Variants in CATSPERE observed in about 807,000 individuals in gnomAD.
CATSPERE encodes the protein cation channel sperm-associated auxiliary subunit epsilon.
Under a neutral mutation model 114.1 loss-of-function variants are expected in CATSPERE, and 93 were observed. The observed-to-expected ratio is 0.81, with a 90% CI of 0.69 to 0.97. The LOEUF (loss-of-function observed/expected upper bound fraction) is 0.97, where lower values mean the gene tolerates loss of function less well. Among genes scored for constraint, CATSPERE ranks in the 50% least tolerant of loss-of-function variants. The pLI, the probability that CATSPERE is intolerant of heterozygous loss-of-function variation, is 0.00. For synonymous variants in CATSPERE, 341 were observed against 384.1 expected (o/e 0.89, Z 1.31); for missense variants, 1,058 against 1,131.6 (o/e 0.93, Z 0.93).
At chr1:244,503,612 A>G (rs1205877157) in intron 7 of CATSPERE, among the ~76,000 whole-genome samples, 2 of 152,138 alleles carry the variant, frequency 1.3e-5, no homozygotes, top group African/African-American at 4.8e-5. Flanking sequence ...GTTTCTTTTG[A>G]GACGAGGTCT....
intron 9 of CATSPERE, among the ~76,000 whole-genome samples, chr1:244,557,432 G>A (rs1432615587): frequency 6.9e-6 from 1 of 145,888 alleles, no homozygotes; most frequent in Non-Finnish European, 1.5e-5. Flanking sequence ...AGTTTCCAGT[G>A]TACAGATTTT....
intron 10 of CATSPERE, among the ~76,000 whole-genome samples, chr1:244,570,673 A>C (rs964853037): frequency 1.3e-5 from 2 of 152,252 alleles, no homozygotes; most frequent in Non-Finnish European, 2.9e-5. Context: ...TGTAGTCAGC[A>C]GTGTGATCAG....
At chr1:244,625,738 TTTTA>T (rs905933947) in intron 20 of CATSPERE, among the ~76,000 whole-genome samples, 2 of 151,544 alleles carry the variant, frequency 1.3e-5, no homozygotes, top group African/African-American at 2.4e-5. Flanking sequence ...ATTTTTATTC[TTTTA>T]TTTATTTATT....
intron 21 of CATSPERE, among the ~76,000 whole-genome samples, chr1:244,635,744 A>G (rs980094308): frequency 6.6e-6 from 1 of 152,128 alleles, no homozygotes; most frequent in Non-Finnish European, 1.5e-5. Flanking sequence ...ACAACAAAAA[A>G]CTTGTATGAA....
At chr1:244,525,941 G>C (rs115337835) in intron 8 of CATSPERE, among the ~76,000 whole-genome samples, 1 of 152,178 alleles carries the variant, frequency 6.6e-6, no homozygotes, top group Non-Finnish European at 1.5e-5. Context: ...AAGGCCGTAG[G>C]CTTTTTCCAA....
At chr1:244,472,404 AT>A (rs1010811532) in intron 2 of CATSPERE, among the ~76,000 whole-genome samples, 6 of 151,426 alleles carry the variant, frequency 4.0e-5, no homozygotes, top group Non-Finnish European at 7.4e-5. Context: ...TTTTATATTG[AT>A]TTTTTTTTGA....
chr1:244,589,600 A>G (rs2148638292), intron 14 of CATSPERE, among the ~76,000 whole-genome samples: 1 of 152,278 alleles, frequency 6.6e-6, no homozygotes, highest in African/African-American at 2.4e-5. Context: ...CTCATCCCAC[A>G]CCTGCTGAAT....
intron 9 of CATSPERE, among the ~76,000 whole-genome samples, chr1:244,556,647 T>G (rs970074147): frequency 6.6e-6 from 1 of 152,242 alleles, no homozygotes; most frequent in African/African-American, 2.4e-5. Flanking sequence ...TGGTTTATTG[T>G]GTTTTCTTCT....
chr1:244,525,934 G>A (rs1678515922), intron 8 of CATSPERE, among the ~76,000 whole-genome samples: 1 of 152,136 alleles, frequency 6.6e-6, no homozygotes, highest in Non-Finnish European at 1.5e-5. Flanking sequence ...AGTGGTTAAG[G>A]CCGTAGGCTT....
intron 11 of CATSPERE, 148 bp downstream of exon 11, chr1:244,572,920 C>A: frequency 1.7e-6 from 1 of 603,774 alleles, no homozygotes; most frequent in Non-Finnish European, 2.6e-6. Flanking sequence ...ACACAATAAG[C>A]CATTCATTCC....
At chr1:244,536,122 A>C (rs1180586719) in intron 8 of CATSPERE, among the ~76,000 whole-genome samples, 1 of 151,668 alleles carries the variant, frequency 6.6e-6, no homozygotes, top group African/African-American at 2.4e-5. Flanking sequence ...GGCTGAGCTG[A>C]TATCCAAGTT....
intron 10 of CATSPERE, among the ~76,000 whole-genome samples, chr1:244,565,579 C>T (rs1663318205): frequency 6.6e-6 from 1 of 152,118 alleles, no homozygotes; most frequent in Non-Finnish European, 1.5e-5. Context: ...TCTGTGGGAT[C>T]AGTGGTGATA....
chr1:244,601,979 G>A (rs1669309514), intron 17 of CATSPERE, among the ~76,000 whole-genome samples: 1 of 151,774 alleles, frequency 6.6e-6, no homozygotes, highest in Non-Finnish European at 1.5e-5. Flanking sequence ...GAGGAGAAGG[G>A]GAGAAAGGGA....
At chr1:244,631,698 A>G (rs948491371) in intron 20 of CATSPERE, among the ~76,000 whole-genome samples, 1 of 152,254 alleles carries the variant, frequency 6.6e-6, no homozygotes, top group African/African-American at 2.4e-5. Flanking sequence ...GCATATGAAA[A>G]AATGTTCAAC....
intron 8 of CATSPERE, among the ~76,000 whole-genome samples, chr1:244,540,588 T>C (rs1169321241): frequency 6.7e-6 from 1 of 149,110 alleles, no homozygotes; most frequent in Non-Finnish European, 1.5e-5. Context: ...CCCAAGGTAA[T>C]TTATAGATTC....
intron 20 of CATSPERE, among the ~76,000 whole-genome samples, chr1:244,621,311 A>ATC (rs1250174786): frequency 0.056 from 4,888 of 87,766 alleles, 1,637 homozygotes; most frequent in African/African-American, 0.14. Context: ...ATATAAATAT[A>ATC]TAAAATATAT....
intron 8 of CATSPERE, among the ~76,000 whole-genome samples, chr1:244,531,165 G>C (rs918330893): frequency 3.3e-5 from 5 of 151,354 alleles, no homozygotes; most frequent in Non-Finnish European, 5.9e-5. Flanking sequence ...AAATCCAGGA[G>C]GCGGAGGTTG....
At chr1:244,546,155 T>C (rs536739644) in intron 8 of CATSPERE, among the ~76,000 whole-genome samples, 1 of 152,296 alleles carries the variant, frequency 6.6e-6, no homozygotes, top group East Asian at 1.9e-4. Context: ...TCTTAGAGGC[T>C]GTGGACTTCA....
intron 21 of CATSPERE, 22 bp downstream of exon 21, chr1:244,635,564 G>C (rs1174882282): frequency 6.3e-7 from 1 of 1,583,696 alleles, no homozygotes; most frequent in Non-Finnish European, 8.7e-7. Flanking sequence ...GGCCTAACTG[G>C]ACTTTAATTA....
Sources: gnomAD v4.1 joint callset for allele counts (sites outside exome capture counted in the v4.1 genomes callset) on GRCh38, gnomAD v4.1.1 for gene constraint, MANE v1.5 for transcripts, NCBI Gene and HGNC (gene_info 2026-07-23, HGNC 2026-07-21) for gene names.